The following BRINP3 variants were observed in gnomAD, a reference collection of about 807,000 sequenced individuals.
The protein encoded by BRINP3 is BMP/retinoic acid inducible neural specific 3.
Under a neutral mutation model 71.0 loss-of-function variants are expected in BRINP3, and 19 were observed. That is an observed-to-expected ratio of 0.27 (90% CI 0.19 to 0.39). The LOEUF (loss-of-function observed/expected upper bound fraction) is 0.39, where lower values mean the gene tolerates loss of function less well. Ranked by LOEUF, BRINP3 falls within the 10% of genes least tolerant of loss-of-function variation. The pLI is 1.00. For synonymous variants in BRINP3, 380 were observed against 337.7 expected, an observed-to-expected ratio of 1.13 and a Z score of -1.37; for missense variants, 959 against 940.8, an observed-to-expected ratio of 1.02 and a Z score of -0.25.
intron 2 of BRINP3, among the ~76,000 whole-genome samples, chr1:190,321,465 A>G (rs903783214): frequency 6.6e-6 from 1 of 152,160 alleles, no homozygotes; most frequent in Non-Finnish European, 1.5e-5. Context: ...TCTGATTTAT[A>G]GAAATAAAAA....
chr1:190,342,799 A>T (rs533590444), intron 2 of BRINP3: 1 of 151,980 alleles, frequency 6.6e-6, no homozygotes, highest in East Asian at 1.9e-4. Context: ...AACTACATGT[A>T]CATTTTTAGG....
At chr1:190,352,670 T>C (rs1468751443) in intron 2 of BRINP3, among the ~76,000 whole-genome samples, 12 of 152,180 alleles carry the variant, frequency 7.9e-5, no homozygotes, top group South Asian at 2.1e-4. Flanking sequence ...CGTTATAACC[T>C]AATGTGTACT....
chr1:190,157,143 T>A (rs1457594371), intron 7 of BRINP3, among the ~76,000 whole-genome samples: 1 of 151,634 alleles, frequency 6.6e-6, no homozygotes, highest in African/African-American at 2.4e-5. Context: ...AAAAAAAAAA[T>A]TAACACATAC....
intron 2 of BRINP3, among the ~76,000 whole-genome samples, chr1:190,301,595 G>A (rs1664743780): frequency 6.6e-6 from 1 of 150,782 alleles, no homozygotes; most frequent in African/African-American, 2.4e-5. Context: ...AATTTTTAAA[G>A]TATATACAAT....
At chr1:190,368,619 T>C (rs890143926) in intron 2 of BRINP3, among the ~76,000 whole-genome samples, 1 of 152,074 alleles carries the variant, frequency 6.6e-6, no homozygotes, top group South Asian at 2.1e-4. Flanking sequence ...CTGAAGAGAC[T>C]CCCCAGGCTT....
chr1:190,136,549 T>C (rs979003797), intron 7 of BRINP3, among the ~76,000 whole-genome samples: 1 of 152,140 alleles, frequency 6.6e-6, no homozygotes, highest in Non-Finnish European at 1.5e-5. Flanking sequence ...TAATCTTGTT[T>C]GTCCAAATTT....
At chr1:190,171,252 G>T (rs902750212) in intron 6 of BRINP3, among the ~76,000 whole-genome samples, 16 of 152,130 alleles carry the variant, frequency 1.1e-4, no homozygotes, top group African/African-American at 3.9e-4. Context: ...TGCTGTTTTT[G>T]ATTGTTTGGT....
intron 3 of BRINP3, among the ~76,000 whole-genome samples, chr1:190,276,612 A>T (rs766027400): frequency 6.6e-6 from 1 of 150,714 alleles, no homozygotes; most frequent in Non-Finnish European, 1.5e-5. Context: ...AGTGAACTAC[A>T]TTGGAGGCAT....
At chr1:190,473,556 T>TTG in intron 1 of BRINP3, among the ~76,000 whole-genome samples, 1 of 149,070 alleles carries the variant, frequency 6.7e-6, no homozygotes, top group South Asian at 2.1e-4. Flanking sequence ...TTTTTTTTTT[T>TTG]GCTTCACTGT....
chr1:190,476,425 G>A (rs1348568509), intron 1 of BRINP3, among the ~76,000 whole-genome samples: 1 of 152,038 alleles, frequency 6.6e-6, no homozygotes, highest in African/African-American at 2.4e-5. Context: ...TGCAGGTTTG[G>A]CATTTAATGA....
In BRINP3 at chr1:190,433,061, T is replaced by C. The variant is rs115264612; in HGVS notation, c.236+21594A>G. 1.9e-3 allele frequency among the ~76,000 whole-genome samples: 285 copies of C among 152,302 alleles called. 2 individuals carry two copies. Among genetic ancestry groups the C allele is most frequent in the African/African-American group, 6.4e-3 (267 of 41,584 alleles). ...CATTGTTTCATTAACCTAGTTATCATTAACGAACTGAGTAGTTCGGAATAT... is the reference window on the plus strand; with the variant it reads ...CATTGTTTCATTAACCTAGTTATCACTAACGAACTGAGTAGTTCGGAATAT... On this transcript the variant is annotated intron_variant, in intron 2 of 7. Coordinates refer to ENST00000367462, the MANE Select transcript of BRINP3 (RefSeq NM_199051.3).
chr1:190,158,354 C>T (rs1013340514), intron 7 of BRINP3, among the ~76,000 whole-genome samples: 2 of 152,046 alleles, frequency 1.3e-5, no homozygotes, highest in Admixed American at 1.3e-4. Flanking sequence ...TTTTTCTTCC[C>T]AGTCTCAAAT....
chr1:190,276,362 A>C (rs1408113107), intron 3 of BRINP3, among the ~76,000 whole-genome samples: 1 of 151,724 alleles, frequency 6.6e-6, no homozygotes, highest in African/African-American at 2.4e-5. Context: ...ATGACAAATA[A>C]TTAAAAACTG....
Position 190,106,471 on chromosome 1 carries a change from A to T in BRINP3, c.1185-7337T>A, listed in dbSNP as rs546049346. ...AAATTTTAAGGATTTTAAAAGTATA[A>T]TATTATTTTTAAAAGGTCATTTCAT... On this transcript the variant is annotated intron_variant, in intron 7 of 7. Transcript: ENST00000367462. Among the ~76,000 whole-genome samples, 4 of 151,696 alleles carry T rather than the reference A, an allele frequency of 2.6e-5. No homozygotes were observed. In the East Asian group the frequency reaches 7.7e-4, roughly 29 times the overall value.
intron 2 of BRINP3, among the ~76,000 whole-genome samples, chr1:190,327,231 C>T (rs1413827198): frequency 7.0e-6 from 1 of 142,232 alleles, no homozygotes; most frequent in African/African-American, 2.6e-5. Flanking sequence ...AGGAGACTCA[C>T]TTGAACCCAG....
chr1:190,168,150 T>C (rs1651714613), intron 6 of BRINP3, among the ~76,000 whole-genome samples: 1 of 152,124 alleles, frequency 6.6e-6, no homozygotes, highest in Non-Finnish European at 1.5e-5. Context: ...TAGAGTTTAC[T>C]AATCAGATCA....
At chr1:190,204,439 A>G (rs866361586) in intron 6 of BRINP3, among the ~76,000 whole-genome samples, 35 of 118,202 alleles carry the variant, frequency 3.0e-4, no homozygotes, top group African/African-American at 1.2e-3. Context: ...CAAATATATT[A>G]AAAACTAGAT....
chr1:190,335,495 T>C (rs993241003), intron 2 of BRINP3, among the ~76,000 whole-genome samples: 2 of 151,890 alleles, frequency 1.3e-5, no homozygotes, highest in African/African-American at 4.8e-5. Flanking sequence ...ATTGAAAAGT[T>C]TGAACCTCAT....
intron 7 of BRINP3, among the ~76,000 whole-genome samples, chr1:190,115,399 C>T (rs1653044753): frequency 6.6e-6 from 1 of 152,098 alleles, no homozygotes; most frequent in Admixed American, 6.6e-5. Context: ...TTTTCTCAAC[C>T]ACTGTGATAT....
Sources: gnomAD v4.1 joint callset for allele counts (sites outside exome capture counted in the v4.1 genomes callset) on GRCh38, gnomAD v4.1.1 for gene constraint, MANE v1.5 for transcripts, NCBI Gene and HGNC (gene_info 2026-07-23, HGNC 2026-07-21) for gene names.